LMF1: variants seen among roughly 807,000 people sequenced by gnomAD.
LMF1 encodes the protein transmembrane protein 112.
Under a neutral mutation model 60.6 loss-of-function variants are expected in LMF1, and 68 were observed. That is an observed-to-expected ratio of 1.12 (90% CI 0.92 to 1.37). The LOEUF is 1.37. Ranked by LOEUF, LMF1 falls within the 40% of genes most tolerant of loss-of-function variation. The pLI, the probability that LMF1 is intolerant of heterozygous loss-of-function variation, is 0.00. For synonymous variants in LMF1, 418 were observed against 324.7 expected (o/e 1.29, Z -3.09); for missense variants, 948 against 767.2 (o/e 1.24, Z -2.78).
chr16:964,071 C>T (rs1038427907), intron 1 of LMF1: 1 of 455,852 alleles, frequency 2.2e-6, no homozygotes, highest in Non-Finnish European at 4.4e-6. Context: ...GAGGAAATAC[C>T]GAGGAAATAC....
chr16:878,338 C>T lies in LMF1; in HGVS notation c.897+1232G>A, dbSNP rs7184779. On this transcript the variant is annotated intron_variant, in intron 6 of 10. Transcript: ENST00000262301. The surrounding 1 kb of genome is among the most constrained non-coding windows in gnomAD (Gnocchi z 5.2). ...GGTGCCAGCCTCCAAGCAGCTAACG[C>T]GGAAAAGCCCGAGGGAGTCAGGAGC... Among the ~76,000 whole-genome samples the T allele has an allele frequency of 4.8e-3, 733 of 152,192 alleles. 8 individuals carry two copies. Among genetic ancestry groups the T allele is most frequent in the African/African-American group, 0.016 (683 of 41,508 alleles).
chr16:888,677 C>G (rs568938330), intron 5 of LMF1, among the ~76,000 whole-genome samples: 10 of 152,214 alleles, frequency 6.6e-5, no homozygotes, highest in Non-Finnish European at 1.2e-4. Flanking sequence ...TTCTGGACGG[C>G]GCCCGTCCCT....
chr16:932,592 A>G (rs1038792131), intron 3 of LMF1, among the ~76,000 whole-genome samples: 1 of 152,174 alleles, frequency 6.6e-6, no homozygotes, highest in Admixed American at 6.6e-5. Flanking sequence ...TTTTAATTAA[A>G]AAAATTTTTT....
chr16:973,842 T>TACA (rs1046943765), upstream of LMF1, among the ~76,000 whole-genome samples: 12 of 151,674 alleles, frequency 7.9e-5, no homozygotes, highest in Non-Finnish European at 1.3e-4. Context: ...CTACTAAAAA[T>TACA]ACAACAACAA....
At chr16:954,333 G>A (rs369790081) in intron 2 of LMF1, 24 bp downstream of exon 2, 194 of 1,605,434 alleles carry the variant, frequency 1.2e-4, no homozygotes, top group Middle Eastern at 5.0e-4. Flanking sequence ...CCTAAGCTCC[G>A]ACCGCCCCAT....
intron 9 of LMF1, chr16:869,628 G>A (rs1051756662): frequency 3.0e-5 from 20 of 656,134 alleles, no homozygotes; most frequent in Middle Eastern, 4.9e-4. Flanking sequence ...TATGGCACCC[G>A]GGCTGGGATT....
At chr16:892,910 C>T in intron 5 of LMF1, 97 bp downstream of exon 5, 1 of 921,920 alleles carries the variant, frequency 1.1e-6, no homozygotes, top group Non-Finnish European at 1.6e-6. Flanking sequence ...TGTGATGCGA[C>T]AGCTCACCAG....
At chr16:888,681 C>T (rs544158633) in intron 5 of LMF1, among the ~76,000 whole-genome samples, 15 of 152,342 alleles carry the variant, frequency 9.8e-5, no homozygotes, top group South Asian at 6.2e-4. Flanking sequence ...GGACGGCGCC[C>T]GTCCCTGGTC....
intron 1 of LMF1, among the ~76,000 whole-genome samples, chr16:967,062 C>A (rs1032420448): frequency 1.7e-4 from 26 of 152,214 alleles, no homozygotes; most frequent in African/African-American, 6.0e-4. Context: ...GCAAGGCTGT[C>A]CTTCCCCCGT....
At chr16:880,078 G>C (rs1258067980) in intron 5 of LMF1, among the ~76,000 whole-genome samples, 2 of 152,310 alleles carry the variant, frequency 1.3e-5, no homozygotes, top group South Asian at 4.2e-4. Flanking sequence ...GTCGGAGAAC[G>C]CGCCGCCTGC....
intron 4 of LMF1, among the ~76,000 whole-genome samples, chr16:905,395 T>G (rs2070950375): frequency 6.6e-6 from 1 of 152,184 alleles, no homozygotes; most frequent in African/African-American, 2.4e-5. Context: ...CTCTGCTGTG[T>G]GGTGGTGACT....
In LMF1 at chr16:870,007, G is replaced by T. The variant is rs115416993; in HGVS notation, c.1292C>A (p.Ala431Asp). ...GTAGTCCTCCCACATGGCATCGGGG[G>T]CGCTGGCGTTGGAGCTGGCTGTGCC... ...LQGTASSNAS[A>D]PDAMWEDYEF... Residue 431 changes from alanine to aspartate, a missense_variant, in exon 9 of 11, where the codon GCC (alanine) becomes GAC (aspartate). Ala to Asp is a moderately radical substitution (Grantham distance 126). Coordinates refer to ENST00000262301, the MANE Select transcript of LMF1 (RefSeq NM_022773.4). 2,190 of 1,613,046 alleles carry T rather than the reference G, an allele frequency of 1.4e-3. 22 individuals carry two copies. In the African/African-American group the frequency reaches 0.026, roughly 19 times the overall value.
chr16:895,344 G>A (rs552320345), intron 4 of LMF1, among the ~76,000 whole-genome samples: 11 of 152,318 alleles, frequency 7.2e-5, no homozygotes, highest in African/African-American at 1.4e-4. Flanking sequence ...CCACGTCTGC[G>A]AAACATTAAT....
chr16:883,229 G>GCT (rs969591376), intron 5 of LMF1, among the ~76,000 whole-genome samples: 16 of 144,740 alleles, frequency 1.1e-4, no homozygotes, highest in Admixed American at 2.0e-4. Flanking sequence ...AGAAAGAGGA[G>GCT]CTGCTCAGCA....
At chr16:911,106 G>T in intron 3 of LMF1, 27 bp from the exon 4 acceptor site, 3 of 1,602,558 alleles carry the variant, frequency 1.9e-6, no homozygotes, top group Non-Finnish European at 2.6e-6. Context: ...TACCAAAGGT[G>T]AGTTAATGGA....
chr16:968,421 C>G (rs2072971077), intron 1 of LMF1: 3 of 152,190 alleles, frequency 2.0e-5, no homozygotes, highest in African/African-American at 7.2e-5. Flanking sequence ...TAGCTATAAA[C>G]ATTGTAAAAT....
At chr16:876,627 A>C (rs1367372272) in intron 6 of LMF1, among the ~76,000 whole-genome samples, 4 of 152,102 alleles carry the variant, frequency 2.6e-5, no homozygotes, top group African/African-American at 2.4e-5. Flanking sequence ...TCAATTAATA[A>C]AACGAAACAG....
At chr16:858,333 A>C (rs368345457) in intron 10 of LMF1, among the ~76,000 whole-genome samples, 9 of 30,392 alleles carry the variant, frequency 3.0e-4, no homozygotes, top group African/African-American at 7.2e-4. Flanking sequence ...GATGGGTGTG[A>C]GTGGTGTCTC....
Position 868,950 on chromosome 16 carries a change from G to T in LMF1, c.1523C>A (p.Pro508Gln). 6.2e-7 allele frequency: 1 copy of T among 1,606,916 alleles called. No individual in the cohort carries two copies. Among genetic ancestry groups the T allele is most frequent in the Non-Finnish European group, 8.5e-7 (1 of 1,175,750 alleles). Residue 508 changes from proline (P) to glutamine (Q), a missense_variant, in exon 10 of 11, where the codon CCG becomes CAG. Transcript: ENST00000262301. Reference sequence around the variant, plus strand: ...GGCAGGGAGGGCATCCTACCTGGGCGGGGGCCTGCCCGCGAAGGGGTTGTG... The same window carrying T: ...GGCAGGGAGGGCATCCTACCTGGGCTGGGGCCTGCCCGCGAAGGGGTTGTG... ...LAHNPFAGRP[P>Q]PRWVRGEHYR...
Sources: gnomAD v4.1 joint callset for allele counts (sites outside exome capture counted in the v4.1 genomes callset) on GRCh38, gnomAD v4.1.1 for gene constraint, Gnocchi (gnomAD v3.1) non-coding constraint, MANE v1.5 for transcripts, NCBI Gene and HGNC (gene_info 2026-07-23, HGNC 2026-07-21) for gene names.